Variants in ARHGAP15 observed in about 807,000 individuals in gnomAD.
ARHGAP15 encodes Rho GTPase activating protein 15, also known as rho GTPase-activating protein 15.
A neutral mutation model predicts 63.7 loss-of-function variants in ARHGAP15; 51 were observed. The ratio of observed to expected loss-of-function variants is 0.80; its 90% CI spans 0.64 to 1.01. The LOEUF (loss-of-function observed/expected upper bound fraction) is 1.01, where lower values mean the gene tolerates loss of function less well. ARHGAP15 is among the 50% of genes least tolerant of loss of function. The probability of loss-of-function intolerance (pLI) is 0.00; values close to 1 mark genes in which losing one functional copy is unlikely to be tolerated. For missense variants in ARHGAP15, 560 were observed against 564.6 expected (o/e 0.99, Z 0.08); for synonymous variants, 191 against 193.8 (o/e 0.99, Z 0.12).
intron 2 of ARHGAP15, among the ~76,000 whole-genome samples, chr2:143,165,885 A>G (rs1416759477): frequency 6.6e-6 from 1 of 151,674 alleles, no homozygotes; most frequent in Non-Finnish European, 1.5e-5. Flanking sequence ...AGAAATTTAC[A>G]TTCCTGGATG....
chr2:143,285,758 A>T (rs193034292), intron 6 of ARHGAP15, among the ~76,000 whole-genome samples: 4 of 152,312 alleles, frequency 2.6e-5, no homozygotes, highest in Admixed American at 2.6e-4. Flanking sequence ...TTAGAGTGAG[A>T]TCTACATATT....
intron 6 of ARHGAP15, among the ~76,000 whole-genome samples, chr2:143,252,629 C>A (rs1680214761): frequency 6.6e-6 from 1 of 151,934 alleles, no homozygotes; most frequent in South Asian, 2.1e-4. Flanking sequence ...GTTTCATGTT[C>A]TGTTTCATTC....
At chr2:143,649,388 TA>T in intron 12 of ARHGAP15, among the ~76,000 whole-genome samples, 1 of 151,982 alleles carries the variant, frequency 6.6e-6, no homozygotes, top group Non-Finnish European at 1.5e-5. Context: ...ATGGCATTTT[TA>T]AACAAAACTG....
chr2:143,359,754 C>T (rs182917361), intron 6 of ARHGAP15, among the ~76,000 whole-genome samples: 3 of 152,114 alleles, frequency 2.0e-5, no homozygotes, highest in Admixed American at 2.0e-4. Flanking sequence ...CAATAATGTG[C>T]CTGTTGGTTT....
chr2:143,174,748 TC>T (rs1369113724), intron 2 of ARHGAP15, among the ~76,000 whole-genome samples: 3 of 152,138 alleles, frequency 2.0e-5, no homozygotes, highest in African/African-American at 7.2e-5. Flanking sequence ...CAGTATGGTC[TC>T]CCCCATATCT....
Position 143,431,731 on chromosome 2 carries a change from G to T in ARHGAP15, c.475-3870G>T, listed in dbSNP as rs150443297. Among the ~76,000 whole-genome samples the T allele has an allele frequency of 7.7e-3, 1,164 of 152,074 alleles. 7 individuals carry two copies. The highest frequency in any genetic ancestry group is 0.013 in the Non-Finnish European group (888 of 67,916). On this transcript the variant is annotated intron_variant, in intron 6 of 13. Transcript: ENST00000295095. ...AGATTGTGAGTTCTTGAGGGTGGGG[G>T]CTGTGTATCCCTAGCTTCTAGCAAT...
At chr2:143,521,421 G>GT (rs1694057804) in intron 10 of ARHGAP15, among the ~76,000 whole-genome samples, 1 of 152,088 alleles carries the variant, frequency 6.6e-6, no homozygotes, top group African/African-American at 2.4e-5. Flanking sequence ...TCAAAGTGTT[G>GT]TTTTTACGAA....
At chr2:143,485,155 A>T (rs1692268580) in intron 8 of ARHGAP15, among the ~76,000 whole-genome samples, 1 of 152,214 alleles carries the variant, frequency 6.6e-6, no homozygotes, top group Non-Finnish European at 1.5e-5. Flanking sequence ...TACATGTGCC[A>T]TGGTGGTTTG....
At chr2:143,155,843 C>T (rs1690058353) in intron 2 of ARHGAP15, among the ~76,000 whole-genome samples, 188 bp downstream of exon 2, 1 of 151,806 alleles carries the variant, frequency 6.6e-6, no homozygotes, top group Non-Finnish European at 1.5e-5. Context: ...AAGAGCTGGG[C>T]TTAATCCAGA....
chr2:143,316,807 GATTACAATAA>G (rs1013833744), intron 6 of ARHGAP15, among the ~76,000 whole-genome samples: 2 of 151,694 alleles, frequency 1.3e-5, no homozygotes, highest in Non-Finnish European at 1.5e-5. Context: ...TTCCAGCCTA[GATTACAATAA>G]ATCACTTCCT....
intron 11 of ARHGAP15, among the ~76,000 whole-genome samples, chr2:143,599,693 A>G (rs949883487): frequency 6.6e-6 from 1 of 152,174 alleles, no homozygotes; most frequent in African/African-American, 2.4e-5. Context: ...AAAATTAAAT[A>G]TCCAATATTT....
At chr2:143,333,719 T>C (rs1684649295) in intron 6 of ARHGAP15, among the ~76,000 whole-genome samples, 1 of 152,190 alleles carries the variant, frequency 6.6e-6, no homozygotes, top group African/African-American at 2.4e-5. Flanking sequence ...AATAAGAGTG[T>C]TGCTTTGAAC....
intron 5 of ARHGAP15, among the ~76,000 whole-genome samples, chr2:143,249,616 AAAG>A (rs1176842864): frequency 4.6e-5 from 7 of 152,286 alleles, no homozygotes; most frequent in South Asian, 2.1e-4. Flanking sequence ...AAAAAATAGT[AAAG>A]AAATTCTCAA....
chr2:143,594,208 G>A (rs150239274), intron 11 of ARHGAP15, among the ~76,000 whole-genome samples: 108 of 152,204 alleles, frequency 7.1e-4, no homozygotes, highest in African/African-American at 2.5e-3. Flanking sequence ...TAAATCTGTC[G>A]AGAGGAATGC....
chr2:143,493,219 GA>G (rs1476884690), intron 9 of ARHGAP15, among the ~76,000 whole-genome samples: 1 of 151,986 alleles, frequency 6.6e-6, no homozygotes, highest in East Asian at 1.9e-4. Context: ...GATTATTGTG[GA>G]AAAACTCTCC....
rs1040769677 is a variant in ARHGAP15 at position 143,285,052 on chromosome 2, A to G, written c.474+34452A>G. On this transcript the variant is annotated intron_variant, in intron 6 of 13. Coordinates refer to ENST00000295095, the MANE Select transcript of ARHGAP15 (RefSeq NM_018460.4). ...AAAGACATACACCAGTCAAAGACAT[A>G]TATTGATGACATAAAGCAATCTTTG... 3.3e-5 allele frequency among the ~76,000 whole-genome samples: 5 copies of G among 152,222 alleles called. No homozygotes were observed. In the South Asian group the frequency reaches 1.0e-3, roughly 31 times the overall value.
intron 6 of ARHGAP15, among the ~76,000 whole-genome samples, chr2:143,315,402 C>T (rs1370827260): frequency 2.6e-5 from 4 of 152,120 alleles, no homozygotes; most frequent in African/African-American, 9.7e-5. Flanking sequence ...ATCTTAGAAT[C>T]ATGATATTAT....
intron 6 of ARHGAP15, among the ~76,000 whole-genome samples, chr2:143,260,450 G>C (rs1680662927): frequency 6.6e-6 from 1 of 152,036 alleles, no homozygotes; most frequent in Non-Finnish European, 1.5e-5. Flanking sequence ...AGTTAAAATT[G>C]CCCCAGGAGG....
intron 8 of ARHGAP15, among the ~76,000 whole-genome samples, chr2:143,458,807 A>AT (rs1039968464): frequency 6.6e-6 from 1 of 152,166 alleles, no homozygotes; most frequent in African/African-American, 2.4e-5. Flanking sequence ...AAATAGAGCA[A>AT]TTTTTTTGGA....
Sources: allele counts gnomAD v4.1 joint callset (sites outside exome capture counted in the v4.1 genomes callset), GRCh38; gene constraint gnomAD v4.1.1; transcripts MANE v1.5; gene names NCBI Gene and HGNC (gene_info 2026-07-23, HGNC 2026-07-21).